Variants in ZBTB8A observed in about 807,000 individuals in gnomAD.
The protein encoded by ZBTB8A is zinc finger and BTB domain containing 8A, also known as zinc finger and BTB domain-containing protein 8A.
Under a neutral mutation model 37.8 loss-of-function variants are expected in ZBTB8A, and 19 were observed. The observed-to-expected ratio is 0.50, with a 90% confidence interval of 0.35 to 0.74. ZBTB8A has a LOEUF of 0.74. Ranked by LOEUF, ZBTB8A falls within the 30% of genes least tolerant of loss-of-function variation. The pLI, the probability that ZBTB8A is intolerant of heterozygous loss-of-function variation, is 0.01. For missense variants in ZBTB8A, 394 were observed against 537.8 expected (o/e 0.73, Z 2.65); for synonymous variants, 181 against 185.2 (o/e 0.98, Z 0.19).
At chr1:32,582,175 C>G (rs193139951) in intron 2 of ZBTB8A, among the ~76,000 whole-genome samples, 165 of 152,236 alleles carry the variant, frequency 1.1e-3, no homozygotes, top group African/African-American at 3.3e-3. Context: ...ATCTGAAATG[C>G]TCCAAAATCT....
At chr1:32,581,213 TATATA>T (rs1248023482) in intron 2 of ZBTB8A, among the ~76,000 whole-genome samples, 21 of 588 alleles carry the variant, frequency 0.036, no homozygotes, top group Middle Eastern at 0.25. Context: ...TTATATATTA[TATATA>T]ATATAATATA....
chr1:32,562,783 A>G (rs1371401805), intron 2 of ZBTB8A, among the ~76,000 whole-genome samples: 3 of 151,704 alleles, frequency 2.0e-5, no homozygotes, highest in African/African-American at 4.8e-5. Flanking sequence ...GGGTTTCACC[A>G]TGTTAGCCAG....
chr1:32,579,295 C>T (rs531291703), intron 2 of ZBTB8A, among the ~76,000 whole-genome samples: 1 of 151,818 alleles, frequency 6.6e-6, no homozygotes, highest in South Asian at 2.1e-4. Flanking sequence ...CTAAAAAATA[C>T]AAAAATTAGC....
intron 2 of ZBTB8A, among the ~76,000 whole-genome samples, chr1:32,574,835 T>C (rs1404257276): frequency 2.0e-5 from 3 of 152,168 alleles, no homozygotes; most frequent in Non-Finnish European, 4.4e-5. Flanking sequence ...AGAGTTGCAG[T>C]GGTGCTGACA....
chr1:32,584,015 C>T (rs1644427134), intron 2 of ZBTB8A, among the ~76,000 whole-genome samples: 1 of 152,114 alleles, frequency 6.6e-6, no homozygotes, highest in Non-Finnish European at 1.5e-5. Flanking sequence ...GCCTCGGCCT[C>T]CCAAAGTGCT....
At chr1:32,578,585 A>G (rs1644380641) in intron 2 of ZBTB8A, among the ~76,000 whole-genome samples, 1 of 152,052 alleles carries the variant, frequency 6.6e-6, no homozygotes, top group South Asian at 2.1e-4. Flanking sequence ...ATCTTTGAGT[A>G]TATGTATAGT....
chr1:32,542,039 A>G (rs1433730578), intron 1 of ZBTB8A, among the ~76,000 whole-genome samples: 3 of 152,204 alleles, frequency 2.0e-5, no homozygotes, highest in African/African-American at 7.2e-5. Flanking sequence ...AAATAGGTTT[A>G]TTGGAATGTA....
chr1:32,594,517 C>G (rs939958886), intron 3 of ZBTB8A, among the ~76,000 whole-genome samples: 3 of 151,300 alleles, frequency 2.0e-5, no homozygotes, highest in Non-Finnish European at 4.4e-5. Context: ...AATCCCAGCA[C>G]TTTGGGAGGC....
At chr1:32,594,932 ATTTC>A (rs1644518324) in intron 3 of ZBTB8A, 118 bp from the exon 4 acceptor site, 2 of 1,076,042 alleles carry the variant, frequency 1.9e-6, no homozygotes, top group Non-Finnish European at 2.5e-6. Flanking sequence ...AATTCTTTTT[ATTTC>A]TTTTTTTTTA....
rs1008184991 is a variant in ZBTB8A at position 32,549,999 on chromosome 1, AT to A, written c.-83-3459del. ...ATCTCATTGATAGGCCACATTTCAC[AT>A]GGGGAAACTGAATTGTAAAGGAGTC... is the stretch of plus-strand genomic sequence containing the variant. On this transcript the variant is annotated intron_variant, in intron 1 of 4. Transcript: ENST00000373510. Among the ~76,000 whole-genome samples, 36 of 152,306 alleles carry A rather than the reference AT, an allele frequency of 2.4e-4. 1 individual carries two copies. The highest frequency in any genetic ancestry group is 8.7e-4 in the African/African-American group (36 of 41,568).
intron 2 of ZBTB8A, among the ~76,000 whole-genome samples, chr1:32,574,594 C>G (rs1644346542): frequency 6.6e-6 from 1 of 152,066 alleles, no homozygotes; most frequent in African/African-American, 2.4e-5. Flanking sequence ...AAGACCCTGT[C>G]TCTAAAATTA....
intron 2 of ZBTB8A, among the ~76,000 whole-genome samples, chr1:32,560,201 TG>T (rs1644232763): frequency 6.6e-6 from 1 of 152,138 alleles, no homozygotes; most frequent in Non-Finnish European, 1.5e-5. Flanking sequence ...ATGAGAACTC[TG>T]CCCCAATGGT....
chr1:32,540,320 G>A (rs2148207532), intron 1 of ZBTB8A, among the ~76,000 whole-genome samples: 1 of 152,238 alleles, frequency 6.6e-6, no homozygotes, highest in South Asian at 2.1e-4. Context: ...AGACGCGTTT[G>A]GAAGCGGTAG....
chr1:32,547,564 G>A (rs1480691462), intron 1 of ZBTB8A, among the ~76,000 whole-genome samples: 1 of 136,176 alleles, frequency 7.3e-6, no homozygotes, highest in Non-Finnish European at 1.5e-5. Flanking sequence ...CTTATTTTAG[G>A]TTATAGATCT....
chr1:32,574,950 A>T (rs1478059453), intron 2 of ZBTB8A, among the ~76,000 whole-genome samples: 1 of 151,570 alleles, frequency 6.6e-6, no homozygotes, highest in Non-Finnish European at 1.5e-5. Flanking sequence ...GCTAATTTTT[A>T]TTTTGTAGAG....
intron 1 of ZBTB8A, among the ~76,000 whole-genome samples, chr1:32,539,841 C>T (rs1226696864): frequency 1.4e-5 from 2 of 148,134 alleles, no homozygotes; most frequent in African/African-American, 2.4e-5. Flanking sequence ...CGCGCGGAGC[C>T]TCCTGGAGGC....
In ZBTB8A at chr1:32,564,306, A is replaced by G. The variant is rs12044277; in HGVS notation, c.-2+10766A>G. ...CAGTGCCAAGCTTCAGTGTTTCTCT[A>G]GTGTAATTGATACATCAGAATTTTT... On this transcript the variant is annotated intron_variant, in intron 2 of 4. Coordinates refer to ENST00000373510, the MANE Select transcript of ZBTB8A (RefSeq NM_001040441.3). Among the ~76,000 whole-genome samples, 693 of 152,284 alleles carry G rather than the reference A, an allele frequency of 4.6e-3. 9 individuals carry two copies. The highest frequency in any genetic ancestry group is 0.043 in the East Asian group (225 of 5,184).
intron 2 of ZBTB8A, among the ~76,000 whole-genome samples, chr1:32,589,645 G>T (rs1644473724): frequency 6.6e-6 from 1 of 151,900 alleles, no homozygotes; most frequent in African/African-American, 2.4e-5. Context: ...CACCTCTGGG[G>T]GTCAAGCAAT....
intron 2 of ZBTB8A, among the ~76,000 whole-genome samples, chr1:32,577,613 A>T (rs1644373077): frequency 9.5e-6 from 1 of 104,822 alleles, no homozygotes; most frequent in Non-Finnish European, 1.8e-5. Flanking sequence ...TTTTTTTGAG[A>T]CAGAGTCTTT....
Sources: gnomAD v4.1 joint callset for allele counts (sites outside exome capture counted in the v4.1 genomes callset) on GRCh38, gnomAD v4.1.1 for gene constraint, MANE v1.5 for transcripts, NCBI Gene and HGNC (gene_info 2026-07-23, HGNC 2026-07-21) for gene names.